MAP3K21: variants seen among roughly 807,000 people sequenced by gnomAD.
MAP3K21 encodes the protein mitogen-activated protein kinase kinase kinase 21.
In MAP3K21, 63 loss-of-function variants were observed where a neutral mutation model predicts 86.1. The ratio of observed to expected loss-of-function variants is 0.73; its 90% CI spans 0.60 to 0.90. The LOEUF is 0.90. Ranked by LOEUF, MAP3K21 falls within the 40% of genes least tolerant of loss-of-function variation. The pLI is 0.00. For synonymous variants in MAP3K21, 558 were observed against 564.8 expected (o/e 0.99, Z 0.17); for missense variants, 1,220 against 1,367.7 (o/e 0.89, Z 1.70).
At chr1:233,337,083 A>G (rs1190254126) in intron 1 of MAP3K21, among the ~76,000 whole-genome samples, 1 of 152,174 alleles carries the variant, frequency 6.6e-6, no homozygotes, top group Non-Finnish European at 1.5e-5. Flanking sequence ...GGGTGACGTG[A>G]GGATTAAGTG....
intron 1 of MAP3K21, among the ~76,000 whole-genome samples, chr1:233,342,467 G>T (rs1343954957): frequency 6.6e-6 from 1 of 152,210 alleles, no homozygotes; most frequent in Non-Finnish European, 1.5e-5. Flanking sequence ...ATTAACAAAA[G>T]ATATTCCATT....
At chr1:233,340,768 T>C (rs1663026121) in intron 1 of MAP3K21, among the ~76,000 whole-genome samples, 2 of 152,216 alleles carry the variant, frequency 1.3e-5, no homozygotes, top group South Asian at 4.1e-4. Flanking sequence ...TTTCATGAAG[T>C]TTTTTGTTAA....
rs531166053 is a variant in MAP3K21, at chr1:233,382,798, G to T, written c.*87G>T. ...TACCTTTGAACTGTTTCATGCTGCT[G>T]TGTTTTCAAAAGCTGTGGCCATGTT... is the stretch of plus-strand genomic sequence containing the variant. On this transcript the variant is annotated 3_prime_UTR_variant, in exon 10 of 10. Coordinates refer to ENST00000366624, the MANE Select transcript of MAP3K21 (RefSeq NM_032435.3). 3.3e-6 allele frequency: 4 copies of T among 1,224,848 alleles called. No individual in the cohort carries two copies. In the South Asian group the frequency reaches 6.1e-5, roughly 19 times the overall value. The allele number at this position is 1,224,848 out of a possible 1,614,324, so 75.9% of individuals were successfully genotyped here.
chr1:233,370,831 T>A (rs892744756), intron 5 of MAP3K21, among the ~76,000 whole-genome samples: 1 of 152,196 alleles, frequency 6.6e-6, no homozygotes, highest in Non-Finnish European at 1.5e-5. Context: ...CATTTGGGAT[T>A]GTCTTTTTCT....
At chr1:233,362,640 G>T (rs1278817478) in intron 5 of MAP3K21, among the ~76,000 whole-genome samples, 3 of 151,982 alleles carry the variant, frequency 2.0e-5, no homozygotes, top group Non-Finnish European at 4.4e-5. Flanking sequence ...TTGTGAAGAT[G>T]CAAAACAACG....
chr1:233,359,997 T>G (rs1326812210), intron 4 of MAP3K21, among the ~76,000 whole-genome samples: 1 of 152,254 alleles, frequency 6.6e-6, no homozygotes, highest in Non-Finnish European at 1.5e-5. Flanking sequence ...TCACAGGGAT[T>G]CATGATTTAG....
chr1:233,369,164 A>T (rs1384500197), intron 5 of MAP3K21, among the ~76,000 whole-genome samples: 7 of 150,206 alleles, frequency 4.7e-5, no homozygotes, highest in Admixed American at 4.1e-4. Flanking sequence ...AAGGCTTCCT[A>T]ACGGAGTTCG....
At chr1:233,351,447 C>T (rs865796899) in intron 2 of MAP3K21, among the ~76,000 whole-genome samples, 1 of 152,140 alleles carries the variant, frequency 6.6e-6, no homozygotes. Flanking sequence ...AATACCAGCA[C>T]TTTTGGAGGC....
chr1:233,379,509 A>C lies in MAP3K21; in HGVS notation c.2503A>C (p.Thr835Pro). The change falls in exon 9 of 10, where the codon ACT becomes CCT. Residue 835 changes from threonine to proline, a missense_variant. This residue lies in a region of MAP3K21 where 632 missense variants were observed against 691.3 expected (regional missense o/e 0.91). Transcript: ENST00000366624. ...APVTCDSEML[T>P]PDFCPTAPGS... ...TGTCACTTGTGACTCTGAGATGCTCACTCCGGATTTTTGTCCCACTGCCCC... is the reference window on the plus strand; with the variant it reads ...TGTCACTTGTGACTCTGAGATGCTCCCTCCGGATTTTTGTCCCACTGCCCC... The C allele has an allele frequency of 1.2e-6, 2 of 1,614,106 alleles. No individual in the cohort carries two copies. The highest frequency in any genetic ancestry group is 2.2e-5 in the South Asian group (2 of 91,074).
intron 1 of MAP3K21, among the ~76,000 whole-genome samples, chr1:233,329,120 C>T (rs1319340755): frequency 6.6e-6 from 1 of 152,148 alleles, no homozygotes; most frequent in African/African-American, 2.4e-5. Context: ...TCCTAGAAAC[C>T]TCAGGGGGCA....
intron 2 of MAP3K21, among the ~76,000 whole-genome samples, chr1:233,348,722 T>G (rs921178099): frequency 6.6e-6 from 1 of 152,158 alleles, no homozygotes. Context: ...TGGTTAAAAT[T>G]ACAATTTTAG....
chr1:233,347,883 T>C (rs1346755808), intron 2 of MAP3K21, among the ~76,000 whole-genome samples: 1 of 152,060 alleles, frequency 6.6e-6, no homozygotes, highest in African/African-American at 2.4e-5. Flanking sequence ...GAATCTGAAA[T>C]AAAAGTTGAG....
chr1:233,354,074 C>A (rs1005066705), intron 3 of MAP3K21, 119 bp downstream of exon 3: 3 of 1,183,754 alleles, frequency 2.5e-6, no homozygotes, highest in Middle Eastern at 4.4e-4. Context: ...TTTTAAGTAA[C>A]CCTAGTATTT....
intron 6 of MAP3K21, among the ~76,000 whole-genome samples, chr1:233,374,468 C>G (rs1461324631): frequency 6.6e-6 from 1 of 152,162 alleles, no homozygotes; most frequent in Admixed American, 6.5e-5. Flanking sequence ...GCCATCGCAC[C>G]CGGCCTAAGC....
In MAP3K21 at chr1:233,353,879, T is replaced by G. The variant is rs138487434; in HGVS notation, c.1059T>G (p.Ala353=). 82 of 1,613,474 alleles carry G rather than the reference T, an allele frequency of 5.1e-5. No individual in the cohort carries two copies. The highest frequency in any genetic ancestry group is 6.6e-5 in the Non-Finnish European group (78 of 1,179,840). The change falls in exon 3 of 10, where the codon GCT becomes GCG. Residue 353 remains alanine (A), a synonymous_variant. Coordinates refer to ENST00000366624, the MANE Select transcript of MAP3K21 (RefSeq NM_032435.3). The part of the protein sequence containing the change: ...PYRGIDGLAV[A]YGVAVNKLTL... Reference sequence around the variant, plus strand: ...GGGGCATTGATGGCCTCGCCGTGGCTTATGGGGTAGCAGTCAATAAACTCA... The same window carrying G: ...GGGGCATTGATGGCCTCGCCGTGGCGTATGGGGTAGCAGTCAATAAACTCA...
intron 1 of MAP3K21, among the ~76,000 whole-genome samples, chr1:233,339,359 CCTTCTCCTCCTT>C (rs1662987616): frequency 2.2e-5 from 1 of 44,914 alleles, no homozygotes; most frequent in Non-Finnish European, 4.1e-5. Context: ...TCCCTCTTCT[CCTTCTCCTCCTT>C]CTCCTTCTTC....
chr1:233,365,144 A>G (rs1394975874), intron 5 of MAP3K21, among the ~76,000 whole-genome samples: 1 of 152,224 alleles, frequency 6.6e-6, no homozygotes, highest in Non-Finnish European at 1.5e-5. Context: ...GTTGCATTCA[A>G]TATTATCTGC....
intron 5 of MAP3K21, among the ~76,000 whole-genome samples, chr1:233,371,157 A>T (rs1663670870): frequency 1.3e-5 from 2 of 152,192 alleles, no homozygotes; most frequent in South Asian, 4.1e-4. Flanking sequence ...CATTTGTAGA[A>T]TGCCTAGAGC....
intron 5 of MAP3K21, among the ~76,000 whole-genome samples, chr1:233,362,871 CTAAATCATTTTAG>C (rs1663490537): frequency 6.6e-6 from 1 of 151,806 alleles, no homozygotes; most frequent in Non-Finnish European, 1.5e-5. Context: ...ACAAGGATTA[CTAAATCATTTTAG>C]TAATGTGTTA....
Sources: allele counts gnomAD v4.1 joint callset (sites outside exome capture counted in the v4.1 genomes callset), GRCh38; gene constraint gnomAD v4.1.1; regional missense constraint gnomAD v4.1.1; transcripts MANE v1.5; gene names NCBI Gene and HGNC (gene_info 2026-07-23, HGNC 2026-07-21).